SHBG: variants seen among roughly 807,000 people sequenced by gnomAD.
SHBG encodes the protein sex hormone-binding globulin.
Under a neutral mutation model 41.9 loss-of-function variants are expected in SHBG, and 37 were observed. The observed-to-expected ratio is 0.88, with a 90% CI of 0.68 to 1.16. The LOEUF (loss-of-function observed/expected upper bound fraction) is 1.16, where lower values mean the gene tolerates loss of function less well. SHBG is among the 50% of genes most tolerant of loss of function. The pLI is 0.00. For synonymous variants in SHBG, 217 were observed against 205.8 expected, an observed-to-expected ratio of 1.05 and a Z score of -0.47; for missense variants, 466 against 499.9, an observed-to-expected ratio of 0.93 and a Z score of 0.65.
upstream of SHBG, chr17:7,627,594 A>T (rs2072257729): frequency 1.9e-6 from 3 of 1,612,208 alleles, no homozygotes; most frequent in Non-Finnish European, 2.5e-6. This position sits in a 1 kb window ranked among gnomAD's most constrained non-coding sequence, Gnocchi z 4.8. Context: ...GGATATCTCC[A>T]CAGTCTCCCT....
rs1284729740 is a variant in SHBG at position 7,630,251 on chromosome 17, G to A, written c.79G>A (p.Gly27Arg). The A allele has an allele frequency of 6.2e-7, 1 of 1,609,704 alleles. No homozygotes were observed. Among genetic ancestry groups the A allele is most frequent in the South Asian group, 1.1e-5 (1 of 90,546 alleles). Residue 27 changes from glycine (G) to arginine (R), a missense_variant, in exon 1 of 8, where the codon GGA (glycine) becomes AGA (arginine). Coordinates refer to ENST00000380450, the MANE Select transcript of SHBG (RefSeq NM_001040.5). This position sits in a 1 kb window ranked among gnomAD's most constrained non-coding sequence, Gnocchi z 4.6. Reference sequence around the variant, plus strand: ...GCTACTACTGCGTCACACCCGCCAGGGATGGGCCCTGAGACCTGTTCTCCC... The same window carrying A: ...GCTACTACTGCGTCACACCCGCCAGAGATGGGCCCTGAGACCTGTTCTCCC... The part of the protein sequence containing the change: ...LLLLLRHTRQ[G>R]WALRPVLPTQ...
upstream of SHBG, among the ~76,000 whole-genome samples, chr17:7,625,618 C>T (rs548526140): frequency 1.3e-4 from 20 of 151,286 alleles, no homozygotes; most frequent in African/African-American, 2.4e-4. Context: ...GGGCTGGGCG[C>T]GGTGGCTCAC....
upstream of SHBG, among the ~76,000 whole-genome samples, chr17:7,629,537 C>T (rs1007139754): frequency 6.6e-6 from 1 of 152,114 alleles, no homozygotes; most frequent in Non-Finnish European, 1.5e-5. Context: ...ATCATACACA[C>T]AGACAATACC....
At chr17:7,630,075 G>T, upstream of SHBG, 1 of 1,018,380 alleles carries the variant, frequency 9.8e-7, no homozygotes. The surrounding 1 kb of genome is among the most constrained non-coding windows in gnomAD (Gnocchi z 4.6). Flanking sequence ...CCTCCTCCCC[G>T]GGCAACCTTT....
chr17:7,631,203 G>A lies in SHBG; in HGVS notation c.397G>A (p.Glu133Lys), dbSNP rs1324121795. The change falls in exon 4 of 8, where the codon GAA (glutamate) becomes AAA (lysine). Residue 133 changes from glutamate to lysine, a missense_variant. Coordinates refer to ENST00000380450, the MANE Select transcript of SHBG (RefSeq NM_001040.5). ...TTTGCTTCCCACCTTCCTGCAGGTG[G>A]AAGTCAAGATGGAGGGGGACTCTGT... ...RLDDGRWHQV[E>K]VKMEGDSVLL... 2.6e-6 allele frequency: 4 copies of A among 1,555,290 alleles called. No individual in the cohort carries two copies. The highest frequency in any genetic ancestry group is 3.5e-6 in the Non-Finnish European group (4 of 1,149,300).
At chr17:7,616,770 T>C (rs1156743739) in intron 1 of SHBG, among the ~76,000 whole-genome samples, 2 of 149,324 alleles carry the variant, frequency 1.3e-5, no homozygotes, top group Non-Finnish European at 3.0e-5. Flanking sequence ...ACCCCATCTC[T>C]ACTAAAAATA....
chr17:7,616,891 G>C (rs2072004152), intron 1 of SHBG, among the ~76,000 whole-genome samples: 2 of 152,144 alleles, frequency 1.3e-5, no homozygotes, highest in East Asian at 3.9e-4. Context: ...AGCCCAGATT[G>C]TGCCATTGCA....
Position 7,630,818 on chromosome 17 carries a change from C to G in SHBG, c.342C>G (p.Ala114=). Residue 114 remains alanine, a synonymous_variant, in exon 3 of 8, where the codon GCC becomes GCG. Transcript: ENST00000380450. The surrounding 1 kb of genome is among the most constrained non-coding windows in gnomAD (Gnocchi z 4.6). ...AGATCCAACTGCACAATCACTGGGC[C>G]CAGCTTACGGTGGGTGCTGGACCAC... ...RPEIQLHNHW[A]QLTVGAGPRL... 1 of 1,613,860 alleles carries G rather than the reference C, an allele frequency of 6.2e-7. No individual in the cohort carries two copies. The highest frequency in any genetic ancestry group is 1.3e-5 in the African/African-American group (1 of 74,968).
At position 7,630,755 on chromosome 17, in the gene SHBG, T is replaced by A; in HGVS notation, c.279T>A (p.Asp93Glu). ...TTTATGGGGATACCAACCCTAAGGA[T>A]GACTGGTTTATGCTGGGACTTCGAG... is the stretch of plus-strand genomic sequence containing the variant. Reference protein sequence around the residue: ...VIFYGDTNPKDDWFMLGLRDG... With the variant: ...VIFYGDTNPKEDWFMLGLRDG... The change falls in exon 3 of 8, where the codon GAT (aspartate) becomes GAA (glutamate). Residue 93 changes from aspartate to glutamate, a missense_variant. Asp to Glu is a conservative substitution (Grantham distance 45). Transcript: ENST00000380450. This position sits in a 1 kb window ranked among gnomAD's most constrained non-coding sequence, Gnocchi z 4.6. 2 of 1,613,966 alleles carry A rather than the reference T, an allele frequency of 1.2e-6. No individual in the cohort carries two copies. Among genetic ancestry groups the A allele is most frequent in the South Asian group, 1.1e-5 (1 of 91,066 alleles).
At chr17:7,627,738 G>A (rs768733721), upstream of SHBG, 9 of 1,374,110 alleles carry the variant, frequency 6.5e-6, no homozygotes, top group Admixed American at 1.8e-5. The surrounding 1 kb of genome is among the most constrained non-coding windows in gnomAD (Gnocchi z 4.8). Flanking sequence ...CTGAGAGAGC[G>A]GGGTGGCGGG....
chr17:7,629,236 C>T (rs1033037932), upstream of SHBG, among the ~76,000 whole-genome samples: 3 of 149,940 alleles, frequency 2.0e-5, no homozygotes, highest in Admixed American at 6.7e-5. Context: ...ATTTGCTGGG[C>T]GTGGTGGTGC....
In SHBG at chr17:7,622,910, G is replaced by A. The variant is rs1232142600; in HGVS notation, c.-61-7508G>A. 1.3e-4 allele frequency among the ~76,000 whole-genome samples: 19 copies of A among 151,620 alleles called. 1 individual carries two copies. Among genetic ancestry groups the A allele is most frequent in the Admixed American group, 8.6e-4 (13 of 15,166 alleles). On this transcript the variant is annotated intron_variant, in intron 1 of 5. Coordinates refer to the SHBG transcript ENST00000570547. ...AAATTAGCTGGGCGTGGTGGCAGGC[G>A]CCTGTGGTCCCAGCTACTTGGGAGG...
chr17:7,628,446 T>A (rs922180452), upstream of SHBG, among the ~76,000 whole-genome samples: 2 of 150,834 alleles, frequency 1.3e-5, no homozygotes, highest in African/African-American at 4.9e-5. Flanking sequence ...TTTTCTTTTT[T>A]CTTCTCTTTT....
chr17:7,625,750 A>G (rs1463044518), upstream of SHBG, among the ~76,000 whole-genome samples: 1 of 151,004 alleles, frequency 6.6e-6, no homozygotes, highest in Non-Finnish European at 1.5e-5. Flanking sequence ...AATTAGCCGC[A>G]TGTGGTAGCA....
chr17:7,625,656 C>T (rs969023076), upstream of SHBG, among the ~76,000 whole-genome samples: 3 of 151,518 alleles, frequency 2.0e-5, no homozygotes, highest in Non-Finnish European at 2.9e-5. Context: ...TTTGGGGGGC[C>T]GAGGCAGTCG....
upstream of SHBG, chr17:7,626,696 C>G: frequency 6.2e-7 from 1 of 1,612,956 alleles, no homozygotes; most frequent in Non-Finnish European, 8.5e-7. Context: ...CCGGGTCCCC[C>G]CTCCATATAC....
chr17:7,614,322 G>A (rs2071916339), intron 1 of SHBG: 1 of 727,270 alleles, frequency 1.4e-6, no homozygotes, highest in Non-Finnish European at 2.3e-6. Flanking sequence ...AAGGCTGCGG[G>A]TTGGAGCAAG....
intron 1 of SHBG, among the ~76,000 whole-genome samples, chr17:7,617,991 G>A (rs570012552): frequency 1.2e-4 from 18 of 152,228 alleles, no homozygotes; most frequent in Admixed American, 3.9e-4. Flanking sequence ...TGCCGAGGTG[G>A]GTGGATCATC....
Position 7,630,588 on chromosome 17 carries a change from T to C in SHBG, c.203+81T>C. The C allele has an allele frequency of 1.3e-6, 2 of 1,544,726 alleles. No individual in the cohort carries two copies. Among genetic ancestry groups the C allele is most frequent in the Non-Finnish European group, 1.8e-6 (2 of 1,118,386 alleles). On this transcript the variant is annotated intron_variant, in intron 2 of 7. Transcript: ENST00000380450. This position sits in a 1 kb window ranked among gnomAD's most constrained non-coding sequence, Gnocchi z 4.6. ...AGCTCTTCTCTTTTCCCTGTCTTCC[T>C]TTCCTTATCTGTGAACACCATCTCC... is the stretch of plus-strand genomic sequence containing the variant.
Sources: allele counts gnomAD v4.1 joint callset (sites outside exome capture counted in the v4.1 genomes callset), GRCh38; gene constraint gnomAD v4.1.1; non-coding constraint Gnocchi (gnomAD v3.1); transcripts MANE v1.5; gene names NCBI Gene and HGNC (gene_info 2026-07-23, HGNC 2026-07-21).